The following PARD3 variants were observed in gnomAD, a reference collection of about 807,000 sequenced individuals.
PARD3 encodes partitioning defective 3 homolog.
A neutral mutation model predicts 155.4 loss-of-function variants in PARD3; 75 were observed. The ratio of observed to expected loss-of-function variants is 0.48; its 90% CI spans 0.40 to 0.58. The LOEUF (loss-of-function observed/expected upper bound fraction) is 0.58, where lower values mean the gene tolerates loss of function less well. Among genes scored for constraint, PARD3 ranks in the 20% least tolerant of loss-of-function variants. PARD3 has a pLI of 0.00. For missense variants in PARD3, 1,642 were observed against 1,721.7 expected, an observed-to-expected ratio of 0.95 and a Z score of 0.82; for synonymous variants, 576 against 610.5, an observed-to-expected ratio of 0.94 and a Z score of 0.83.
chr10:34,814,978 G>C lies in PARD3; in HGVS notation c.18C>G (p.Cys6Trp), dbSNP rs762072196. The C allele has an allele frequency of 1.3e-6, 2 of 1,538,024 alleles. No homozygotes were observed. Among genetic ancestry groups the C allele is most frequent in the Admixed American group, 1.9e-5 (1 of 52,766 alleles). ...GCACGACCACCCGGGTCCGTCCGAA[G>C]CACACGGTCACTTTCATGCCGCCGC... is the stretch of plus-strand genomic sequence containing the variant. MKVTV[C>W]FGRTRVVVPC... The change falls in exon 1 of 25, where the codon TGC becomes TGG. Residue 6 changes from cysteine to tryptophan, a missense_variant. Transcript: ENST00000374788.
At chr10:34,379,919 T>C (rs1841651978) in intron 9 of PARD3, among the ~76,000 whole-genome samples, 1 of 152,122 alleles carries the variant, frequency 6.6e-6, no homozygotes, top group Non-Finnish European at 1.5e-5. Flanking sequence ...GGCCAAAGAA[T>C]AATTATACTG....
In PARD3 at chr10:34,120,004, A is replaced by ATTTTTTTTTTTTT. The variant is rs1185067110; in HGVS notation, c.3541-277_3541-265dup. On this transcript the variant is annotated intron_variant, in intron 23 of 24. Transcript: ENST00000374788. ...AGATCAAACTTTCTAGTCTTCTTTAATTTTTTTTTTTTTTTTTTTTTTTTT... is the reference window on the plus strand; with the variant it reads ...AGATCAAACTTTCTAGTCTTCTTTAATTTTTTTTTTTTTTTTTTTTTTTTTTTTTTTTTTTTTT... Among the ~76,000 whole-genome samples the ATTTTTTTTTTTTT allele has an allele frequency of 2.2e-4, 16 of 73,792 alleles. 1 individual carries two copies. Among genetic ancestry groups the ATTTTTTTTTTTTT allele is most frequent in the African/African-American group, 5.9e-4 (10 of 17,018 alleles). The allele number at this position is 73,792 out of a possible 152,430, so 48.4% of individuals were successfully genotyped here. A position where few individuals can be genotyped will look rare whatever the true frequency, so the allele number is the denominator to read the frequency against.
intron 3 of PARD3, among the ~76,000 whole-genome samples, chr10:34,487,886 A>G (rs77948270): frequency 0.013 from 1,984 of 152,322 alleles, 47 homozygotes; most frequent in African/African-American, 0.045. Flanking sequence ...GACATTGACT[A>G]TTGATTGCAT....
At chr10:34,376,162 C>T (rs2134679101) in intron 10 of PARD3, among the ~76,000 whole-genome samples, 1 of 152,224 alleles carries the variant, frequency 6.6e-6, no homozygotes, top group African/African-American at 2.4e-5. Flanking sequence ...TATTGTATAG[C>T]TACAACTGTA....
At chr10:34,703,475 CAAAG>C (rs2094315345) in intron 1 of PARD3, among the ~76,000 whole-genome samples, 4 of 147,212 alleles carry the variant, frequency 2.7e-5, no homozygotes, top group African/African-American at 7.5e-5. Context: ...AAAAAAAAGA[CAAAG>C]AAGATAAAAA....
At chr10:34,603,685 C>T (rs558438541) in intron 2 of PARD3, among the ~76,000 whole-genome samples, 9 of 152,142 alleles carry the variant, frequency 5.9e-5, no homozygotes, top group African/African-American at 2.2e-4. Flanking sequence ...AATATTCATC[C>T]CAACATATTA....
intron 5 of PARD3, among the ~76,000 whole-genome samples, chr10:34,431,149 C>T (rs776060529): frequency 2.0e-5 from 3 of 152,148 alleles, no homozygotes; most frequent in Non-Finnish European, 4.4e-5. Context: ...AAGTATGATG[C>T]TGAGATCCAT....
intron 4 of PARD3, among the ~76,000 whole-genome samples, chr10:34,461,721 T>C (rs1172481848): frequency 6.6e-6 from 1 of 152,246 alleles, no homozygotes; most frequent in African/African-American, 2.4e-5. Flanking sequence ...TCAATGATAC[T>C]TCCTGGTTCT....
chr10:34,767,641 C>T (rs117119992), intron 1 of PARD3, among the ~76,000 whole-genome samples: 2,976 of 152,036 alleles, frequency 0.02, 47 homozygotes, highest in Non-Finnish European at 0.027. Flanking sequence ...CTCTGTCACC[C>T]AGACTGGAGA....
chr10:34,641,458 C>G (rs574204174), intron 2 of PARD3, among the ~76,000 whole-genome samples: 87 of 152,288 alleles, frequency 5.7e-4, no homozygotes, highest in African/African-American at 1.9e-3. Context: ...AGTATTTGAG[C>G]CCTGCATTCT....
chr10:34,183,954 C>T lies in PARD3; in HGVS notation c.3420-52371G>A, dbSNP rs1290280019. Among the ~76,000 whole-genome samples the T allele has an allele frequency of 3.3e-5, 5 of 152,172 alleles. No individual in the cohort carries two copies. The East Asian group carries it at 7.7e-4, about 23-fold the overall frequency. On this transcript the variant is annotated intron_variant, in intron 22 of 24. Coordinates refer to ENST00000374788, the MANE Select transcript of PARD3 (RefSeq NM_001184785.2). The stretch of plus-strand genomic sequence containing the variant: ...ACTTCAGCCTCCTGGGTAGCTGAGA[C>T]TATAGGTGTGCGCCATCATGGCTGG...
At chr10:34,461,140 A>T (rs1188073942) in intron 4 of PARD3, among the ~76,000 whole-genome samples, 1 of 152,206 alleles carries the variant, frequency 6.6e-6, no homozygotes, top group African/African-American at 2.4e-5. Flanking sequence ...TGCAAAATTA[A>T]AAGAAAGGAT....
At chr10:34,260,594 G>T (rs768095158) in intron 22 of PARD3, among the ~76,000 whole-genome samples, 1 of 152,200 alleles carries the variant, frequency 6.6e-6, no homozygotes. Context: ...GCCAAGGCCA[G>T]AGATATTAGT....
rs1844141248 is a variant in PARD3 at position 34,811,305 on chromosome 10, G to A, written c.120+3571C>T. ...CAGTTTGATCCTGACCCCCTGGGCT[G>A]AATGCCTGAATCGCCTTTGTCCATA... is the stretch of plus-strand genomic sequence containing the variant. On this transcript the variant is annotated intron_variant, in intron 1 of 24. Transcript: ENST00000374788. 5.3e-5 allele frequency among the ~76,000 whole-genome samples: 8 copies of A among 152,268 alleles called. No homozygotes were observed. In the South Asian group the frequency reaches 1.7e-3, roughly 32 times the overall value.
chr10:34,554,154 G>T (rs976774896), intron 2 of PARD3, among the ~76,000 whole-genome samples: 8 of 152,186 alleles, frequency 5.3e-5, no homozygotes, highest in African/African-American at 1.9e-4. Flanking sequence ...ATCAGGAAGA[G>T]ACTTTAGGTT....
At chr10:34,200,668 A>T (rs186256081) in intron 22 of PARD3, among the ~76,000 whole-genome samples, 30 of 152,370 alleles carry the variant, frequency 2.0e-4, no homozygotes, top group African/African-American at 6.7e-4. Flanking sequence ...ACAGTAAAAA[A>T]TAGAGGACTA....
chr10:34,605,180 ATTTTTTTTTTTTTTTT>A (rs750688603), intron 2 of PARD3, among the ~76,000 whole-genome samples: 1 of 62,430 alleles, frequency 1.6e-5, no homozygotes, highest in Non-Finnish European at 2.9e-5. Flanking sequence ...CCAAAATGAA[ATTTTTTTTTTTTTTTT>A]TTTTTTTTTT....
intron 2 of PARD3, among the ~76,000 whole-genome samples, chr10:34,650,359 G>A (rs1291310275): frequency 6.6e-6 from 1 of 152,162 alleles, no homozygotes; most frequent in African/African-American, 2.4e-5. Flanking sequence ...ATAATCTGAC[G>A]GGACCATTGT....
At chr10:34,631,304 G>A (rs554840086) in intron 2 of PARD3, among the ~76,000 whole-genome samples, 8 of 152,160 alleles carry the variant, frequency 5.3e-5, no homozygotes, top group South Asian at 2.1e-4. Flanking sequence ...CATACGGCCC[G>A]AAAAGGTCCG....
Sources: gnomAD v4.1 joint callset for allele counts (sites outside exome capture counted in the v4.1 genomes callset) on GRCh38, gnomAD v4.1.1 for gene constraint, MANE v1.5 for transcripts, NCBI Gene and HGNC (gene_info 2026-07-23, HGNC 2026-07-21) for gene names.